FOXO1: variants seen among roughly 807,000 people sequenced by gnomAD.
FOXO1 encodes forkhead box protein O1.
A neutral mutation model predicts 44.1 loss-of-function variants in FOXO1; 6 were observed. The ratio of observed to expected loss-of-function variants is 0.14; its 90% CI spans 0.07 to 0.27. The LOEUF (loss-of-function observed/expected upper bound fraction) is 0.27. Among genes scored for constraint, FOXO1 ranks in the 10% least tolerant of loss-of-function variants. The pLI is 1.00. For missense variants in FOXO1, 737 were observed against 888.8 expected (o/e 0.83, Z 2.17); for synonymous variants, 380 against 362.7 (o/e 1.05, Z -0.54).
Position 40,642,295 on chromosome 13 carries a change from C to G in FOXO1, c.630+23288G>C, listed in dbSNP as rs560635374. 1.1e-4 allele frequency among the ~76,000 whole-genome samples: 16 copies of G among 152,204 alleles called. 1 individual carries two copies. The highest frequency in any genetic ancestry group is 3.4e-4 in the African/African-American group (14 of 41,526). On this transcript the variant is annotated intron_variant, in intron 1 of 2. Transcript: ENST00000379561. The stretch of plus-strand genomic sequence containing the variant: ...TGCTAGGATATGTAGCAGATGCAAC[C>G]AAACCCCAATCTAGACATACAGTCA...
At chr13:40,645,142 C>G (rs920274906) in intron 1 of FOXO1, among the ~76,000 whole-genome samples, 1 of 152,142 alleles carries the variant, frequency 6.6e-6, no homozygotes, top group Non-Finnish European at 1.5e-5. Context: ...TCCCAAAAGT[C>G]AAATATGAGT....
chr13:40,640,149 A>C (rs1014253548), intron 1 of FOXO1, among the ~76,000 whole-genome samples: 1 of 152,226 alleles, frequency 6.6e-6, no homozygotes, highest in Non-Finnish European at 1.5e-5. Context: ...AATAGCACAA[A>C]TCCTGTCCAT....
intron 1 of FOXO1, among the ~76,000 whole-genome samples, chr13:40,641,501 A>AG (rs558443244): frequency 8.2e-4 from 124 of 152,096 alleles, no homozygotes; most frequent in African/African-American, 2.9e-3. Flanking sequence ...CTTCTACCAT[A>AG]GGATTGTCAG....
chr13:40,635,069 A>G (rs749270237), intron 1 of FOXO1, among the ~76,000 whole-genome samples: 7 of 150,844 alleles, frequency 4.6e-5, no homozygotes, highest in Non-Finnish European at 9.0e-5. Context: ...CCCAACTCAT[A>G]TCATTTACAA....
rs1168790730 is a variant in FOXO1 at position 40,619,237 on chromosome 13, T to G, written c.630+46346A>C. The G allele has an allele frequency of 1.6e-5, 6 of 366,836 alleles. No homozygotes were observed. The East Asian group carries it at 4.3e-4, about 26-fold the overall frequency. The allele number at this position is 366,836 out of a possible 1,614,324, so 22.7% of individuals were successfully genotyped here. On this transcript the variant is annotated intron_variant, in intron 1 of 2. Coordinates refer to ENST00000379561, the MANE Select transcript of FOXO1 (RefSeq NM_002015.4). ...TGAATCTGGGAGGCGGAGTTTGCAGTGAGCCGAGATCATGCCATTGCACTC... is the reference window on the plus strand; with the variant it reads ...TGAATCTGGGAGGCGGAGTTTGCAGGGAGCCGAGATCATGCCATTGCACTC...
chr13:40,649,959 T>TC (rs1259488536), intron 1 of FOXO1, among the ~76,000 whole-genome samples: 2 of 152,146 alleles, frequency 1.3e-5, no homozygotes. Context: ...TTCTTGGATC[T>TC]CCCACAAGGA....
intron 1 of FOXO1, among the ~76,000 whole-genome samples, chr13:40,564,451 A>T (rs1266910161): frequency 6.6e-6 from 1 of 152,214 alleles, no homozygotes; most frequent in African/African-American, 2.4e-5. Flanking sequence ...GACTTGTTAC[A>T]TAAATTCCTG....
At chr13:40,664,437 G>A (rs1475965471) in intron 1 of FOXO1, among the ~76,000 whole-genome samples, 1 of 151,986 alleles carries the variant, frequency 6.6e-6, no homozygotes, top group Admixed American at 6.5e-5. Flanking sequence ...CCTCGGAGTC[G>A]GGAAGTGCCT....
intron 1 of FOXO1, among the ~76,000 whole-genome samples, chr13:40,664,170 G>A (rs1225362890): frequency 1.3e-5 from 2 of 152,224 alleles, no homozygotes; most frequent in African/African-American, 2.4e-5. Flanking sequence ...CTACTCGGGA[G>A]GCTGAGACAG....
At chr13:40,629,655 T>C (rs931343090) in intron 1 of FOXO1, among the ~76,000 whole-genome samples, 55 of 152,238 alleles carry the variant, frequency 3.6e-4, no homozygotes, top group African/African-American at 1.2e-3. Context: ...TTGAGCATCA[T>C]GTTGCCACTC....
chr13:40,651,089 TTG>T (rs1208772817), intron 1 of FOXO1, among the ~76,000 whole-genome samples: 1 of 113,482 alleles, frequency 8.8e-6, no homozygotes, highest in East Asian at 4.7e-4. Context: ...TTTTGGTTTT[TTG>T]TTTTTTGTTT....
rs55733141 is a variant in FOXO1 at position 40,584,469 on chromosome 13, CAAAAAAAAAAAAAAAAAA to C, written c.631-23627_631-23610del. Among the ~76,000 whole-genome samples, 127 of 63,108 alleles carry C rather than the reference CAAAAAAAAAAAAAAAAAA, an allele frequency of 2.0e-3. 1 individual carries two copies. The highest frequency in any genetic ancestry group is 2.3e-3 in the Non-Finnish European group (87 of 37,878). 41.4% of individuals were successfully genotyped at this position (63,108 alleles called of 152,430 possible). A position where few individuals can be genotyped will look rare whatever the true frequency, so the allele number is the denominator to read the frequency against. On this transcript the variant is annotated intron_variant, in intron 1 of 2. Coordinates refer to ENST00000379561, the MANE Select transcript of FOXO1 (RefSeq NM_002015.4). ...AGAAATTCTATCTCCACAAAAAATG[CAAAAAAAAAAAAAAAAAA>C]AAAAAAAAAAAAAAGCCAGATGCAG...
At chr13:40,664,511 A>T (rs1424771276) in intron 1 of FOXO1, among the ~76,000 whole-genome samples, 1 of 151,944 alleles carries the variant, frequency 6.6e-6, no homozygotes, top group Non-Finnish European at 1.5e-5. Flanking sequence ...ATCCTCCTTC[A>T]AGGCACCGCT....
chr13:40,569,698 T>C (rs967358289), intron 1 of FOXO1, among the ~76,000 whole-genome samples: 3 of 152,230 alleles, frequency 2.0e-5, no homozygotes, highest in Admixed American at 1.3e-4. Context: ...AGGTGACCTA[T>C]GTCAGAACAC....
chr13:40,608,374 T>A (rs1202676401), intron 1 of FOXO1, among the ~76,000 whole-genome samples: 3 of 152,330 alleles, frequency 2.0e-5, no homozygotes, highest in East Asian at 3.9e-4. Context: ...TGAGAAGAAC[T>A]TACCCTAGTC....
At chr13:40,620,265 T>A in intron 1 of FOXO1, 128 of 1,258,120 alleles carry the variant, frequency 1.0e-4, no homozygotes, top group Non-Finnish European at 1.3e-4. Context: ...AAAATAGAGA[T>A]CAGGACAGTA....
At position 40,556,075 on chromosome 13, in the gene FOXO1, C is replaced by T. The variant is rs1254137404; in HGVS notation, c.*2974G>A. 1 of 152,198 alleles carries T rather than the reference C, an allele frequency of 6.6e-6. No homozygotes were observed. The highest frequency in any genetic ancestry group is 2.4e-5 in the African/African-American group (1 of 41,450). The allele number at this position is 152,198 out of a possible 1,614,324, so 9.4% of individuals were successfully genotyped here. A position where few individuals can be genotyped will look rare whatever the true frequency, so the allele number is the denominator to read the frequency against. On this transcript the variant is annotated 3_prime_UTR_variant, in exon 3 of 3. Transcript: ENST00000379561. ...ATGAATGATTATTCCCAAACTAAAA[C>T]CAGAAAAGAAACTTCTCTTTTAAAA...
rs566080535 is a variant in FOXO1 at position 40,666,394 on chromosome 13, A to G, written c.-182T>C. 2.2e-6 allele frequency: 1 copy of G among 463,884 alleles called. No homozygotes were observed. Among genetic ancestry groups the G allele is most frequent in the Admixed American group, 4.4e-5 (1 of 22,666 alleles). The allele number at this position is 463,884 out of a possible 1,614,324, so 28.7% of individuals were successfully genotyped here. A position where few individuals can be genotyped will look rare whatever the true frequency, so the allele number is the denominator to read the frequency against. On this transcript the variant is annotated 5_prime_UTR_variant, in exon 1 of 3. Transcript: ENST00000379561. ...AGTGGAAGCGCGAGCCCAGAACTTAACTTCGCGGGGCCATCCACATCGAGG... is the reference window on the plus strand; with the variant it reads ...AGTGGAAGCGCGAGCCCAGAACTTAGCTTCGCGGGGCCATCCACATCGAGG...
chr13:40,645,398 T>C lies in FOXO1; in HGVS notation c.630+20185A>G, dbSNP rs1482728669. 2.6e-5 allele frequency among the ~76,000 whole-genome samples: 4 copies of C among 152,344 alleles called. No homozygotes were observed. In the East Asian group the frequency reaches 7.7e-4, roughly 29 times the overall value. ...GTAACTTCCATTTAGCTCACTCCCC[T>C]AAGTCATTCTCCTTGTGGATTTCCT... On this transcript the variant is annotated intron_variant, in intron 1 of 2. Coordinates refer to ENST00000379561, the MANE Select transcript of FOXO1 (RefSeq NM_002015.4).
Sources: allele counts gnomAD v4.1 joint callset (sites outside exome capture counted in the v4.1 genomes callset), GRCh38; gene constraint gnomAD v4.1.1; transcripts MANE v1.5; gene names NCBI Gene and HGNC (gene_info 2026-07-23, HGNC 2026-07-21).